Variants in RAB8B observed in about 807,000 individuals in gnomAD.
The protein encoded by RAB8B is RAB8B, member RAS oncogene family, also known as ras-related protein Rab-8B.
RAB8B carries 11 observed loss-of-function variants against 32.0 expected under a neutral mutation model. That is an observed-to-expected ratio of 0.34 (90% confidence interval 0.22 to 0.57). RAB8B has a LOEUF of 0.57. RAB8B is among the 20% of genes least tolerant of loss of function. RAB8B has a pLI of 0.86. For synonymous variants in RAB8B, 103 were observed against 89.6 expected (o/e 1.15, Z -0.85); for missense variants, 190 against 258.5 (o/e 0.73, Z 1.82).
intron 1 of RAB8B, among the ~76,000 whole-genome samples, chr15:63,210,438 C>T (rs73438891): frequency 5.4e-4 from 82 of 152,340 alleles, no homozygotes; most frequent in African/African-American, 1.8e-3. Context: ...ACTCTCTCCC[C>T]TAAAATCTTT....
chr15:63,209,482 T>C (rs371796308), intron 1 of RAB8B, among the ~76,000 whole-genome samples: 6 of 151,780 alleles, frequency 4.0e-5, no homozygotes, highest in East Asian at 1.9e-4. Context: ...TCCCAGCTAC[T>C]CGGAAGGCTG....
chr15:63,257,029 G>A (rs993104179), intron 5 of RAB8B, among the ~76,000 whole-genome samples: 11 of 152,096 alleles, frequency 7.2e-5, no homozygotes, highest in Non-Finnish European at 7.4e-5. Context: ...ACACATTAGC[G>A]TTAGGTTTTA....
In RAB8B at chr15:63,246,150, G is replaced by A. The variant is rs1285470743; in HGVS notation, c.185+1334G>A. Among the ~76,000 whole-genome samples, 3 of 152,362 alleles carry A rather than the reference G, an allele frequency of 2.0e-5. No homozygotes were observed. In the East Asian group the frequency reaches 5.8e-4, roughly 29 times the overall value. ...AGCCTCCCAAAGTGCTGGGATTACA[G>A]GCGTGAGCCACTGCACCCGGCCAAT... On this transcript the variant is annotated intron_variant, in intron 2 of 7. Coordinates refer to ENST00000321437, the MANE Select transcript of RAB8B (RefSeq NM_016530.3).
chr15:63,226,912 G>A (rs1251376482), intron 1 of RAB8B, among the ~76,000 whole-genome samples: 2 of 152,224 alleles, frequency 1.3e-5, no homozygotes, highest in Non-Finnish European at 2.9e-5. Flanking sequence ...TAAACAAGGG[G>A]TGGATTATTC....
At chr15:63,249,112 C>G (rs1038772676) in intron 2 of RAB8B, among the ~76,000 whole-genome samples, 1 of 152,040 alleles carries the variant, frequency 6.6e-6, no homozygotes, top group Non-Finnish European at 1.5e-5. Flanking sequence ...ACTCCAGGTC[C>G]CCATGAAATC....
intron 1 of RAB8B, among the ~76,000 whole-genome samples, chr15:63,242,224 G>A (rs564553929): frequency 3.3e-5 from 5 of 151,914 alleles, no homozygotes; most frequent in African/African-American, 7.2e-5. Flanking sequence ...AAAAGGCTCC[G>A]TGGGGGAAAA....
At chr15:63,239,059 G>A (rs2038008920) in intron 1 of RAB8B, among the ~76,000 whole-genome samples, 1 of 152,166 alleles carries the variant, frequency 6.6e-6, no homozygotes, top group Non-Finnish European at 1.5e-5. Context: ...GCAGAACCCA[G>A]GGAGGTGCAG....
intron 1 of RAB8B, among the ~76,000 whole-genome samples, chr15:63,201,004 G>A (rs954740576): frequency 3.9e-5 from 6 of 152,106 alleles, no homozygotes; most frequent in African/African-American, 1.4e-4. Flanking sequence ...GGGGTTAAAA[G>A]GGAGTGGCTG....
chr15:63,256,278 C>T (rs1310824842), intron 4 of RAB8B, among the ~76,000 whole-genome samples: 1 of 152,048 alleles, frequency 6.6e-6, no homozygotes, highest in South Asian at 2.1e-4. Context: ...GTGTTTGTTC[C>T]ACCTTCTTTC....
chr15:63,255,840 A>G (rs1195091911), intron 4 of RAB8B, among the ~76,000 whole-genome samples: 1 of 152,260 alleles, frequency 6.6e-6, no homozygotes, highest in Non-Finnish European at 1.5e-5. Context: ...ATCACATTTT[A>G]CACATGAATA....
rs569182045 is a variant in RAB8B at position 63,209,907 on chromosome 15, C to G, written c.124+20159C>G. Among the ~76,000 whole-genome samples, 14 of 152,190 alleles carry G rather than the reference C, an allele frequency of 9.2e-5. No individual in the cohort carries two copies. The East Asian group carries it at 1.5e-3, about 17-fold the overall frequency. ...TAATGCTCTGCCTCCCCTTGCCCCC[C>G]ACTCCCCAACAGGCCCCGGTGTGTG... On this transcript the variant is annotated intron_variant, in intron 1 of 7. Transcript: ENST00000321437.
chr15:63,256,194 C>T (rs1406873595), intron 4 of RAB8B, among the ~76,000 whole-genome samples: 1 of 152,126 alleles, frequency 6.6e-6, no homozygotes, highest in Non-Finnish European at 1.5e-5. Flanking sequence ...CTGGTTCACT[C>T]AGTACCAAGT....
At position 63,247,483 on chromosome 15, in the gene RAB8B, C is replaced by T. The variant is rs137997270; in HGVS notation, c.186-2162C>T. Among the ~76,000 whole-genome samples the T allele has an allele frequency of 7.6e-3, 1,155 of 152,300 alleles. 15 individuals are homozygous for T. Among genetic ancestry groups the T allele is most frequent in the African/African-American group, 0.026 (1,101 of 41,554 alleles). ...CTAGGTTGAATATTTTTGACTTGAA[C>T]TCAGAAGCTCTTCTTAGATTTTTTT... On this transcript the variant is annotated intron_variant, in intron 2 of 7. Transcript: ENST00000321437.
At chr15:63,238,869 A>G (rs527602242) in intron 1 of RAB8B, among the ~76,000 whole-genome samples, 2 of 152,350 alleles carry the variant, frequency 1.3e-5, no homozygotes, top group South Asian at 2.1e-4. Context: ...CTGCCAGAAC[A>G]TGACATTCCC....
At chr15:63,239,349 T>C (rs536695392) in intron 1 of RAB8B, among the ~76,000 whole-genome samples, 25 of 152,258 alleles carry the variant, frequency 1.6e-4, no homozygotes, top group African/African-American at 5.8e-4. Context: ...ATTTTCTTAT[T>C]GGAATAAGAT....
intron 1 of RAB8B, among the ~76,000 whole-genome samples, chr15:63,206,356 G>C (rs2037698043): frequency 6.6e-6 from 1 of 151,910 alleles, no homozygotes; most frequent in African/African-American, 2.4e-5. Context: ...ATAGCCCATA[G>C]CAATCTCCTT....
chr15:63,228,743 A>T (rs1246316642), intron 1 of RAB8B, among the ~76,000 whole-genome samples: 1 of 152,188 alleles, frequency 6.6e-6, no homozygotes, highest in Admixed American at 6.5e-5. Flanking sequence ...TTTTTTTCCC[A>T]TAGAAACAAG....
At chr15:63,198,590 G>A (rs1236099730) in intron 1 of RAB8B, among the ~76,000 whole-genome samples, 1 of 152,168 alleles carries the variant, frequency 6.6e-6, no homozygotes, top group Non-Finnish European at 1.5e-5. Flanking sequence ...GCAACGTGTA[G>A]TATTGCACGG....
rs1245946359 is a variant in RAB8B at position 63,259,087 on chromosome 15, A to G, written c.415-540A>G. Among the ~76,000 whole-genome samples the G allele has an allele frequency of 6.6e-6, 1 of 152,082 alleles. No individual in the cohort carries two copies. The highest frequency in any genetic ancestry group is 1.5e-5 in the Non-Finnish European group (1 of 68,006). On this transcript the variant is annotated intron_variant, in intron 5 of 7. Transcript: ENST00000321437. This position sits in a 1 kb window ranked among gnomAD's most constrained non-coding sequence, Gnocchi z 4.4. ...AGAACTAAAAGTACAAAAACAGAAAAAAAGAGAAGTACTTAAATTATTATT... is the reference window on the plus strand; with the variant it reads ...AGAACTAAAAGTACAAAAACAGAAAGAAAGAGAAGTACTTAAATTATTATT...
Sources: allele counts gnomAD v4.1 joint callset (sites outside exome capture counted in the v4.1 genomes callset), GRCh38; gene constraint gnomAD v4.1.1; non-coding constraint Gnocchi (gnomAD v3.1); transcripts MANE v1.5; gene names NCBI Gene and HGNC (gene_info 2026-07-23, HGNC 2026-07-21).